Variants in C1QTNF3 observed in about 807,000 individuals in gnomAD.
The protein encoded by C1QTNF3 is complement C1q tumor necrosis factor-related protein 3.
Under a neutral mutation model 32.6 loss-of-function variants are expected in C1QTNF3, and 26 were observed. The ratio of observed to expected loss-of-function variants is 0.80; its 90% CI spans 0.58 to 1.11. The LOEUF is 1.11. Ranked by LOEUF, C1QTNF3 falls within the 50% of genes least tolerant of loss-of-function variation. The probability of loss-of-function intolerance (pLI) is 0.00; values close to 1 mark genes in which losing one functional copy is unlikely to be tolerated. For synonymous variants in C1QTNF3, 155 were observed against 146.0 expected, an observed-to-expected ratio of 1.06 and a Z score of -0.44; for missense variants, 362 against 398.2, an observed-to-expected ratio of 0.91 and a Z score of 0.77.
chr5:34,187,505 C>A, the C1QTNF3 span, among the ~76,000 whole-genome samples: 11 of 152,002 alleles, frequency 7.2e-5, no homozygotes, highest in South Asian at 6.3e-4. Context: ...GTGATATGGA[C>A]AATAAGGTCC....
At chr5:34,024,221 A>T (rs1308931798) in intron 4 of C1QTNF3, 1 of 484,856 alleles carries the variant, frequency 2.1e-6, no homozygotes, top group African/African-American at 1.9e-5. Context: ...CCCGAATAAG[A>T]CTTAAAAGTC....
the C1QTNF3 span, among the ~76,000 whole-genome samples, chr5:34,169,926 T>C: frequency 6.6e-6 from 1 of 152,132 alleles, no homozygotes; most frequent in Non-Finnish European, 1.5e-5. Context: ...CACTCTTATT[T>C]CTAGATACAT....
chr5:34,120,866 C>T, the C1QTNF3 span, among the ~76,000 whole-genome samples: 4 of 152,264 alleles, frequency 2.6e-5, no homozygotes, highest in East Asian at 5.8e-4. Context: ...ATACAATACC[C>T]GTCCCCCTTT....
chr5:34,049,038 T>C, the C1QTNF3 span, among the ~76,000 whole-genome samples: 2 of 149,584 alleles, frequency 1.3e-5, no homozygotes, highest in African/African-American at 4.9e-5. Context: ...TTTAATTCCT[T>C]ATATAAAAGC....
chr5:34,078,711 A>G, the C1QTNF3 span, among the ~76,000 whole-genome samples: 1 of 151,682 alleles, frequency 6.6e-6, no homozygotes, highest in South Asian at 2.1e-4. This position sits in a 1 kb window ranked among gnomAD's most constrained non-coding sequence, Gnocchi z 4.0. Flanking sequence ...GATTTCAGCT[A>G]TAGAACTGTA....
the C1QTNF3 span, among the ~76,000 whole-genome samples, chr5:34,087,570 C>CTG: frequency 2.9e-5 from 2 of 70,028 alleles, no homozygotes; most frequent in South Asian, 1.3e-3. Flanking sequence ...ACGCTTTTGT[C>CTG]TTTTTTTTTT....
At chr5:34,223,274 G>GT in the C1QTNF3 span, among the ~76,000 whole-genome samples, 3 of 150,000 alleles carry the variant, frequency 2.0e-5, no homozygotes, top group Admixed American at 6.7e-5. Context: ...GCAGTCTTAG[G>GT]TTTTTTGTCC....
chr5:34,027,979 CTT>C (rs927996583), intron 4 of C1QTNF3, among the ~76,000 whole-genome samples: 1 of 147,148 alleles, frequency 6.8e-6, no homozygotes. Context: ...TAAACAAGCT[CTT>C]TTTTTTTTTG....
chr5:34,176,295 C>T, the C1QTNF3 span, among the ~76,000 whole-genome samples: 1 of 150,740 alleles, frequency 6.6e-6, no homozygotes, highest in African/African-American at 2.4e-5. Flanking sequence ...GGAGATATAC[C>T]TAATGCTAGA....
chr5:34,236,205 A>G, the C1QTNF3 span, among the ~76,000 whole-genome samples: 1 of 152,196 alleles, frequency 6.6e-6, no homozygotes, highest in South Asian at 2.1e-4. Flanking sequence ...TTATGTATCT[A>G]TCAAAATAGA....
rs1216105345 is a variant in C1QTNF3 at position 34,043,102 on chromosome 5, A to G, written c.24T>C (p.Tyr8=). ...GGAAAAACAAAGCCAGCAGTTGCCA[A>G]TAGATGAGCTGCCTCCAAAGCATGA... MLWRQLI[Y]WQLLALFFLP... is the part of the protein sequence containing the mutation. Residue 8 remains tyrosine (Y), a synonymous_variant, in exon 1 of 6, where the codon TAT becomes TAC. Coordinates refer to ENST00000382065, the MANE Select transcript of C1QTNF3 (RefSeq NM_181435.6). 1 of 1,613,254 alleles carries G rather than the reference A, an allele frequency of 6.2e-7. No homozygotes were observed. Among genetic ancestry groups the G allele is most frequent in the African/African-American group, 1.3e-5 (1 of 75,034 alleles).
chr5:34,244,079 CTAATTCATAGTCTCTT>C, the C1QTNF3 span, among the ~76,000 whole-genome samples: 2,149 of 152,260 alleles, frequency 0.014, 35 homozygotes, highest in South Asian at 0.033. Flanking sequence ...GGTTTCTCAC[CTAATTCATAGTCTCTT>C]ATGTCATTTT....
the C1QTNF3 span, chr5:34,168,375 TG>T: frequency 6.6e-6 from 1 of 150,584 alleles, no homozygotes; most frequent in Non-Finnish European, 1.5e-5. Context: ...TTTGCCAAAA[TG>T]GGATTAGATG....
chr5:34,227,445 A>G, the C1QTNF3 span, among the ~76,000 whole-genome samples: 10 of 151,978 alleles, frequency 6.6e-5, no homozygotes, highest in Admixed American at 5.3e-4. Flanking sequence ...TTAAATGATC[A>G]CTAGTATCTA....
At chr5:34,146,090 C>A in the C1QTNF3 span, among the ~76,000 whole-genome samples, 1 of 152,138 alleles carries the variant, frequency 6.6e-6, no homozygotes, top group Non-Finnish European at 1.5e-5. Flanking sequence ...CCCTTAAGAA[C>A]TGCAAGACAA....
chr5:34,166,642 A>G, the C1QTNF3 span: 1 of 152,166 alleles, frequency 6.6e-6, no homozygotes, highest in Non-Finnish European at 1.5e-5. Context: ...TTATAAACAT[A>G]TGTTTTAGGC....
chr5:34,092,887 C>G, the C1QTNF3 span, among the ~76,000 whole-genome samples: 1 of 151,994 alleles, frequency 6.6e-6, no homozygotes, highest in African/African-American at 2.4e-5. Flanking sequence ...AACAATATAC[C>G]TATTCACCAA....
At chr5:34,222,727 CT>C in the C1QTNF3 span, among the ~76,000 whole-genome samples, 1 of 151,868 alleles carries the variant, frequency 6.6e-6, no homozygotes, top group African/African-American at 2.4e-5. Context: ...TAACAATTTT[CT>C]GGTTAATTCA....
intron 4 of C1QTNF3, among the ~76,000 whole-genome samples, chr5:34,027,735 CAAA>C (rs34375086): frequency 7.4e-5 from 6 of 81,052 alleles, no homozygotes; most frequent in Middle Eastern, 7.5e-3. Flanking sequence ...CCACCACCAC[CAAA>C]AAAAAAAAAA....
Sources: allele counts gnomAD v4.1 joint callset (sites outside exome capture counted in the v4.1 genomes callset), GRCh38; gene constraint gnomAD v4.1.1; non-coding constraint Gnocchi (gnomAD v3.1); transcripts MANE v1.5; gene names NCBI Gene and HGNC (gene_info 2026-07-23, HGNC 2026-07-21).